The following DNAH17 variants were observed in gnomAD, a reference collection of about 807,000 sequenced individuals.
The protein encoded by DNAH17 is dynein axonemal heavy chain 17, also known as axonemal beta dynein heavy chain 17.
A neutral mutation model predicts 485.6 loss-of-function variants in DNAH17; 376 were observed. The ratio of observed to expected loss-of-function variants is 0.77; its 90% confidence interval spans 0.71 to 0.84. The LOEUF (loss-of-function observed/expected upper bound fraction) is 0.84, where lower values mean the gene tolerates loss of function less well. Among genes scored for constraint, DNAH17 ranks in the 40% least tolerant of loss-of-function variants. The probability of loss-of-function intolerance (pLI) is 0.00; values close to 1 mark genes in which losing one functional copy is unlikely to be tolerated. For missense variants in DNAH17, 6,370 were observed against 5,839.3 expected (o/e 1.09, Z -2.96); for synonymous variants, 3,031 against 2,405.9 (o/e 1.26, Z -7.60).
intron 16 of DNAH17, among the ~76,000 whole-genome samples, chr17:78,545,816 T>G (rs1478885721): frequency 6.6e-6 from 1 of 152,178 alleles, no homozygotes; most frequent in Non-Finnish European, 1.5e-5. Flanking sequence ...AACACAACAT[T>G]TTAGGACAAC....
intron 18 of DNAH17, 144 bp from the exon 19 acceptor site, chr17:78,537,625 G>A (rs1377398312): frequency 1.0e-5 from 10 of 993,150 alleles, no homozygotes; most frequent in African/African-American, 1.6e-5. Context: ...GTGTCTCAGC[G>A]CACCCCGCTC....
chr17:78,491,970 G>A (rs1011620780), intron 42 of DNAH17, among the ~76,000 whole-genome samples: 3 of 152,238 alleles, frequency 2.0e-5, no homozygotes, highest in Non-Finnish European at 4.4e-5. Context: ...AATGGAGCAA[G>A]GTGGGGGCTG....
At chr17:78,450,130 C>A in intron 68 of DNAH17, 124 bp downstream of exon 68, 3 of 1,172,228 alleles carry the variant, frequency 2.6e-6, no homozygotes, top group Admixed American at 2.3e-5. Context: ...CAGGCTGGAC[C>A]AGGTCTGCCC....
chr17:78,569,624 T>C, intron 7 of DNAH17, 97 bp from the exon 8 acceptor site: 1 of 1,389,812 alleles, frequency 7.2e-7, no homozygotes, highest in South Asian at 1.5e-5. Context: ...TGTTCTGACA[T>C]ATGGATATCT....
chr17:78,459,453 G>A (rs1045460733), intron 60 of DNAH17, among the ~76,000 whole-genome samples: 4 of 152,204 alleles, frequency 2.6e-5, no homozygotes, highest in Admixed American at 1.3e-4. Context: ...AAGGTTAGAG[G>A]GATGAGATGC....
At chr17:78,488,067 A>G (rs2089690752) in intron 44 of DNAH17, among the ~76,000 whole-genome samples, 1 of 143,508 alleles carries the variant, frequency 7.0e-6, no homozygotes, top group Admixed American at 6.9e-5. Flanking sequence ...AAATCTACGC[A>G]GAGGCTGCTG....
intron 41 of DNAH17, among the ~76,000 whole-genome samples, chr17:78,493,455 C>G (rs150514578): frequency 6.6e-6 from 1 of 152,210 alleles, no homozygotes; most frequent in Non-Finnish European, 1.5e-5. Context: ...TTTAAAGACA[C>G]GGTTGAGGAC....
At position 78,429,095 on chromosome 17, in the gene DNAH17, G is replaced by A. The variant is rs691094; in HGVS notation, c.12405+26C>T. ...GAGGCACGAGCCTTCATTACGTTGA[G>A]CTCCTGTTTAACTTGTCATCCTTAC... On this transcript the variant is annotated intron_variant, in intron 76 of 80. Transcript: ENST00000389840. 0.16 allele frequency: 251,462 copies of A among 1,604,758 alleles called. 21,044 individuals carry two copies. Among genetic ancestry groups the A allele is most frequent in the Middle Eastern group, 0.2 (1,199 of 6,024 alleles).
chr17:78,560,969 G>C (rs769983625), intron 12 of DNAH17, 34 bp from the exon 13 acceptor site: 2 of 1,533,404 alleles, frequency 1.3e-6, no homozygotes, highest in South Asian at 2.4e-5. Context: ...GGCCCCACTG[G>C]ATATCTCCTG....
intron 79 of DNAH17, 32 bp downstream of exon 79, chr17:78,426,425 T>G: frequency 6.4e-7 from 1 of 1,562,962 alleles, no homozygotes; most frequent in Non-Finnish European, 8.7e-7. Context: ...TCCCCGAGTC[T>G]TAGGAAGCCT....
At chr17:78,548,974 G>A (rs2091839896) in intron 16 of DNAH17, among the ~76,000 whole-genome samples, 1 of 152,234 alleles carries the variant, frequency 6.6e-6, no homozygotes, top group African/African-American at 2.4e-5. Flanking sequence ...GCTTCAGAAT[G>A]GACGTGATGA....
chr17:78,508,210 G>T (rs925774182), intron 27 of DNAH17, among the ~76,000 whole-genome samples: 1 of 152,122 alleles, frequency 6.6e-6, no homozygotes, highest in African/African-American at 2.4e-5. Context: ...GCAGATGCAG[G>T]ACTCTCTCTC....
In DNAH17 at chr17:78,429,111, T is replaced by C. The variant is rs1234878102; in HGVS notation, c.12405+10A>G. The C allele has an allele frequency of 6.2e-7, 1 of 1,609,764 alleles. No individual in the cohort carries two copies. The highest frequency in any genetic ancestry group is 8.5e-7 in the Non-Finnish European group (1 of 1,176,898). ...TTACGTTGAGCTCCTGTTTAACTTG[T>C]CATCCTTACCTTGTAGTCCAGGTTG... On this transcript the variant is annotated intron_variant, in intron 76 of 80. Coordinates refer to ENST00000389840, the MANE Select transcript of DNAH17 (RefSeq NM_173628.4).
At chr17:78,439,947 G>T (rs2087004257) in intron 72 of DNAH17, among the ~76,000 whole-genome samples, 1 of 151,968 alleles carries the variant, frequency 6.6e-6, no homozygotes, top group Non-Finnish European at 1.5e-5. Flanking sequence ...TGGGATTATG[G>T]GTGTGAGCCA....
At chr17:78,510,701 C>T in intron 26 of DNAH17, 195 bp from the exon 27 acceptor site, 1 of 667,180 alleles carries the variant, frequency 1.5e-6, no homozygotes, top group Admixed American at 2.9e-5. Context: ...ACCTTCCTTC[C>T]CTGTAAAACC....
chr17:78,538,827 G>C (rs1293698604), intron 18 of DNAH17, among the ~76,000 whole-genome samples: 2 of 152,152 alleles, frequency 1.3e-5, no homozygotes, highest in Non-Finnish European at 2.9e-5. Flanking sequence ...CACCCTCCCT[G>C]GTCGGTACAA....
At chr17:78,553,646 G>T (rs1386823861) in intron 14 of DNAH17, among the ~76,000 whole-genome samples, 1 of 152,012 alleles carries the variant, frequency 6.6e-6, no homozygotes, top group African/African-American at 2.4e-5. Flanking sequence ...TTTTTATTTG[G>T]AAATCGTATT....
Position 78,461,576 on chromosome 17 carries a change from G to A in DNAH17, c.9307C>T (p.Gln3103Ter), listed in dbSNP as rs1235826574. The part of the protein sequence containing the change: ...KVSKEKAIAD[Q>*]EEVKVEVINK... ...ATGACCTCGACCTTGACTTCTTCCT[G>A]GTCAGCAATGGCCTTCTCTTTGCTG... is the stretch of plus-strand genomic sequence containing the variant. Residue 3103 changes from glutamine (Q) to a stop codon, truncating the protein, a stop_gained, in exon 58 of 81, where the codon CAG becomes TAG. Transcript: ENST00000389840. LOFTEE classifies it high-confidence loss of function. 1 of 1,601,974 alleles carries A rather than the reference G, an allele frequency of 6.2e-7. No individual in the cohort carries two copies. The highest frequency in any genetic ancestry group is 2.3e-5 in the East Asian group (1 of 44,366).
intron 25 of DNAH17, among the ~76,000 whole-genome samples, chr17:78,516,995 TA>T (rs1230804437): frequency 9.9e-5 from 15 of 152,258 alleles, no homozygotes; most frequent in Non-Finnish European, 2.1e-4. Context: ...CAATTCCATT[TA>T]AAGTCATAAT....
Sources: gnomAD v4.1 joint callset for allele counts (sites outside exome capture counted in the v4.1 genomes callset) on GRCh38, gnomAD v4.1.1 for gene constraint, MANE v1.5 for transcripts, NCBI Gene and HGNC (gene_info 2026-07-23, HGNC 2026-07-21) for gene names.